The following COPG1 variants were observed in gnomAD, a reference collection of about 807,000 sequenced individuals.
COPG1 encodes coat protein complex I subunit gamma 1.
COPG1 carries 29 observed loss-of-function variants against 102.8 expected under a neutral mutation model. The observed-to-expected ratio is 0.28, with a 90% confidence interval of 0.21 to 0.38. The LOEUF (loss-of-function observed/expected upper bound fraction) is 0.38, where lower values mean the gene tolerates loss of function less well. Among genes scored for constraint, COPG1 ranks in the 10% least tolerant of loss-of-function variants. COPG1 has a pLI of 1.00. For missense variants in COPG1, 875 were observed against 1,132.7 expected (o/e 0.77, Z 3.27); for synonymous variants, 406 against 421.6 (o/e 0.96, Z 0.45).
At chr3:129,266,923 T>G (rs1940071492) in intron 14 of COPG1, 101 bp from the exon 15 acceptor site, 2 of 992,694 alleles carry the variant, frequency 2.0e-6, no homozygotes, top group Admixed American at 3.5e-5. Context: ...TTCTTGCCTC[T>G]GGGGCTCTTC....
chr3:129,264,070 G>A, intron 13 of COPG1, 71 bp downstream of exon 13: 3 of 1,277,212 alleles, frequency 2.3e-6, no homozygotes, highest in Non-Finnish European at 3.4e-6. Flanking sequence ...CTGGCTCCAT[G>A]CTCAGCTTTG....
chr3:129,267,366 A>G (rs563925831), intron 15 of COPG1: 11 of 306,542 alleles, frequency 3.6e-5, no homozygotes, highest in South Asian at 6.1e-5. Context: ...TCCCGCCTGT[A>G]ATCCCAGCAC....
At chr3:129,257,905 T>C (rs776844639) in intron 10 of COPG1, 45 bp downstream of exon 10, 2 of 1,602,874 alleles carry the variant, frequency 1.2e-6, no homozygotes, top group African/African-American at 2.7e-5. Context: ...TTATGCTTGC[T>C]GGGAACTAGG....
rs1274961908 is a variant in COPG1, at chr3:129,249,741, A to G, written c.32A>G (p.Glu11Gly). Residue 11 changes from glutamate to glycine, a missense_variant, in exon 1 of 24, where the codon GAG becomes GGG. Glu to Gly is a moderately conservative substitution (Grantham distance 98). Transcript: ENST00000314797. The part of the protein sequence containing the change: MLKKFDKKDE[E>G]SGGGSNPFQH... ...AAGAAATTCGACAAGAAGGATGAGGAGTCAGGTGAGGGGGCCAGGCCTGGG... is the reference window on the plus strand; with the variant it reads ...AAGAAATTCGACAAGAAGGATGAGGGGTCAGGTGAGGGGGCCAGGCCTGGG... 3 of 1,551,424 alleles carry G rather than the reference A, an allele frequency of 1.9e-6. No homozygotes were observed. Among genetic ancestry groups the G allele is most frequent in the Non-Finnish European group, 2.6e-6 (3 of 1,146,908 alleles).
chr3:129,267,098 A>C lies in COPG1; in HGVS notation c.1543A>C (p.Arg515=), dbSNP rs867466532. ...MLPSILVLLK[R]CVMDDDNEVR... is the part of the protein sequence containing the mutation. Reference sequence around the variant, plus strand: ...ACCCAGTATCTTGGTGTTGCTGAAGAGGTGAGTCTAGGCCCAGGGGCCCTA... The same window carrying C: ...ACCCAGTATCTTGGTGTTGCTGAAGCGGTGAGTCTAGGCCCAGGGGCCCTA... Residue 515 remains arginine, a splice_region_variant and synonymous_variant, in exon 15 of 24, where the codon AGG becomes CGG. Transcript: ENST00000314797. 6.2e-6 allele frequency: 10 copies of C among 1,613,394 alleles called. No homozygotes were observed. The highest frequency in any genetic ancestry group is 1.6e-4 in the Middle Eastern group (1 of 6,062).
rs1428566489 is a variant in COPG1, at chr3:129,272,417, T to C, written c.2158+2T>C. 6.2e-7 allele frequency: 1 copy of C among 1,611,748 alleles called. No individual in the cohort carries two copies. Among genetic ancestry groups the C allele is most frequent in the Non-Finnish European group, 8.5e-7 (1 of 1,178,882 alleles). On this transcript the variant is annotated splice_donor_variant, in intron 20 of 23. Transcript: ENST00000314797. LOFTEE classifies it high-confidence loss of function. ...TGCCCAAAGAAGACCCCACAGCTGG[T>C]GAGCCCCTCTCCAGATACCACCCTA...
At chr3:129,262,321 C>A (rs888564039) in intron 12 of COPG1, among the ~76,000 whole-genome samples, 3 of 151,072 alleles carry the variant, frequency 2.0e-5, no homozygotes, top group Non-Finnish European at 2.9e-5. Context: ...GGTGTGACCT[C>A]AGCTCACTGC....
chr3:129,272,461 G>A, intron 20 of COPG1, 46 bp downstream of exon 20: 1 of 1,532,234 alleles, frequency 6.5e-7, no homozygotes, highest in Non-Finnish European at 8.9e-7. Context: ...GGAGCTCATG[G>A]GGTCAGGAGG....
chr3:129,259,656 G>A (rs1939886248), intron 10 of COPG1, among the ~76,000 whole-genome samples: 2 of 152,192 alleles, frequency 1.3e-5, no homozygotes, highest in East Asian at 3.9e-4. Flanking sequence ...ATGAAGAAAG[G>A]AACATAGATA....
chr3:129,251,657 A>T (rs988440118), intron 2 of COPG1, among the ~76,000 whole-genome samples: 10 of 150,538 alleles, frequency 6.6e-5, no homozygotes, highest in African/African-American at 2.5e-4. Context: ...AAGTGCTGGG[A>T]TTATAAGCGT....
At position 129,272,419 on chromosome 3, in the gene COPG1, A is replaced by G. The variant is rs776888993; in HGVS notation, c.2158+4A>G. 4 of 1,611,756 alleles carry G rather than the reference A, an allele frequency of 2.5e-6. No individual in the cohort carries two copies. Among genetic ancestry groups the G allele is most frequent in the Middle Eastern group, 1.7e-4 (1 of 5,968 alleles). On this transcript the variant is annotated splice_donor_region_variant and intron_variant, in intron 20 of 23. Transcript: ENST00000314797. ...CCCAAAGAAGACCCCACAGCTGGTG[A>G]GCCCCTCTCCAGATACCACCCTATC...
Position 129,265,597 on chromosome 3 carries a change from A to G in COPG1, c.1273A>G (p.Ile425Val), listed in dbSNP as rs936965112. ...RAIVDCIISI[I>V]EENSESKETG... ...TATCGTGGACTGCATCATCAGCATC[A>G]TTGAAGAGAACTCAGAGAGCAAGGA... is the stretch of plus-strand genomic sequence containing the variant. The change falls in exon 14 of 24, where the codon ATT becomes GTT. Residue 425 changes from isoleucine (I) to valine (V), a missense_variant. Transcript: ENST00000314797. The G allele has an allele frequency of 1.2e-6, 2 of 1,614,074 alleles. No homozygotes were observed. The highest frequency in any genetic ancestry group is 1.7e-5 in the Admixed American group (1 of 60,004).
rs745625314 is a variant in COPG1, at chr3:129,271,796, G to A, written c.1873G>A (p.Gly625Ser). The change falls in exon 19 of 24, where the codon GGT becomes AGT. Residue 625 changes from glycine to serine, a missense_variant. Physicochemically the swap from Gly to Ser is moderately conservative, Grantham distance 56. Coordinates refer to ENST00000314797, the MANE Select transcript of COPG1 (RefSeq NM_016128.4). This position sits in a 1 kb window ranked among gnomAD's most constrained non-coding sequence, Gnocchi z 4.7. ...EQLAAVPEFRGLGPLFKSSPE... is the reference protein window; with the variant it reads ...EQLAAVPEFRSLGPLFKSSPE... ...GTTGGCAGCAGTGCCAGAGTTCCGCGGTCTTGGGCCCCTCTTCAAGTCCTC... is the reference window on the plus strand; with the variant it reads ...GTTGGCAGCAGTGCCAGAGTTCCGCAGTCTTGGGCCCCTCTTCAAGTCCTC... The A allele has an allele frequency of 2.5e-5, 41 of 1,614,088 alleles. No homozygotes were observed. The highest frequency in any genetic ancestry group is 3.1e-5 in the Non-Finnish European group (36 of 1,180,044).
intron 11 of COPG1, 95 bp from the exon 12 acceptor site, chr3:129,260,521 AGAT>A: frequency 6.6e-7 from 1 of 1,507,120 alleles, no homozygotes; most frequent in Admixed American, 1.7e-5. Flanking sequence ...CTAGATGGTG[AGAT>A]GATCTCATCC....
At chr3:129,252,158 G>T in intron 2 of COPG1, 123 bp from the exon 3 acceptor site, 1 of 670,310 alleles carries the variant, frequency 1.5e-6, no homozygotes. Context: ...AAATAAGCTT[G>T]TTGCATACCC....
At position 129,252,166 on chromosome 3, in the gene COPG1, C is replaced by T. The variant is rs1939713308; in HGVS notation, c.91-115C>T. ...CTTATGAAAATAAGCTTGTTGCATA[C>T]CCAGAAAGCCCTGTTTAGACAAGTC... On this transcript the variant is annotated intron_variant, in intron 2 of 23. Transcript: ENST00000314797. The T allele has an allele frequency of 7.1e-6, 5 of 702,790 alleles. No homozygotes were observed. The South Asian group carries it at 8.5e-5, about 12-fold the overall frequency. 43.5% of individuals were successfully genotyped at this position (702,790 alleles called of 1,614,324 possible).
rs143370576 is a variant in COPG1 at position 129,276,637 on chromosome 3, G to A, written c.2495-657G>A. On this transcript the variant is annotated intron_variant, in intron 23 of 23. Coordinates refer to ENST00000314797, the MANE Select transcript of COPG1 (RefSeq NM_016128.4). ...CAGACACCTGCCCTGTGGTTTTCTC[G>A]TGGTGGGGCTGTCCCCTTCATTTGT... 1.6e-4 allele frequency among the ~76,000 whole-genome samples: 25 copies of A among 152,206 alleles called. No homozygotes were observed. The East Asian group carries it at 3.9e-3, about 23-fold the overall frequency.
At chr3:129,269,125 T>G in intron 18 of COPG1, 125 bp downstream of exon 18, 2 of 791,712 alleles carry the variant, frequency 2.5e-6, no homozygotes, top group East Asian at 2.7e-5. Flanking sequence ...TTAGACCTAC[T>G]ATCACATTTG....
intron 1 of COPG1, 76 bp from the exon 2 acceptor site, chr3:129,250,606 C>T (rs1939674003): frequency 1.7e-6 from 2 of 1,175,562 alleles, no homozygotes; most frequent in Admixed American, 1.8e-5. Flanking sequence ...GAAGGGACAT[C>T]TTCCCTTTAC....
Sources: gnomAD v4.1 joint callset for allele counts (sites outside exome capture counted in the v4.1 genomes callset) on GRCh38, gnomAD v4.1.1 for gene constraint, Gnocchi (gnomAD v3.1) non-coding constraint, MANE v1.5 for transcripts, NCBI Gene and HGNC (gene_info 2026-07-23, HGNC 2026-07-21) for gene names.